The following CCNY variants were observed in gnomAD, a reference collection of about 807,000 sequenced individuals.
CCNY encodes the protein cyclin-Y.
In CCNY, 19 loss-of-function variants were observed where a neutral mutation model predicts 42.8. The observed-to-expected ratio is 0.44, with a 90% CI of 0.31 to 0.65. The LOEUF is 0.65. CCNY is among the 30% of genes least tolerant of loss of function. The probability of loss-of-function intolerance (pLI) is 0.07; values close to 1 mark genes in which losing one functional copy is unlikely to be tolerated. For synonymous variants in CCNY, 165 were observed against 162.7 expected (o/e 1.01, Z -0.11); for missense variants, 370 against 437.3 (o/e 0.85, Z 1.37).
chr10:35,531,892 T>C (rs1229442796), intron 7 of CCNY, among the ~76,000 whole-genome samples: 1 of 152,260 alleles, frequency 6.6e-6, no homozygotes, highest in East Asian at 1.9e-4. Context: ...CTAACAGGCA[T>C]CCCTTGCTGC....
At chr10:35,324,837 C>T (rs1835861093) in intron 3 of CCNY, among the ~76,000 whole-genome samples, 1 of 151,942 alleles carries the variant, frequency 6.6e-6, no homozygotes, top group Non-Finnish European at 1.5e-5. Flanking sequence ...ATAAATTAGC[C>T]TATATTTATC....
chr10:35,415,896 G>A (rs780736581), intron 1 of CCNY, among the ~76,000 whole-genome samples: 19 of 152,214 alleles, frequency 1.2e-4, no homozygotes, highest in Non-Finnish European at 2.5e-4. Context: ...TGCACAGATC[G>A]ACAGAGAGTT....
At chr10:35,353,614 G>A (rs1008031746) in intron 1 of CCNY, among the ~76,000 whole-genome samples, 1 of 152,146 alleles carries the variant, frequency 6.6e-6, no homozygotes, top group African/African-American at 2.4e-5. Context: ...CCCCAAAGCT[G>A]GTTCACAGCA....
At position 35,545,442 on chromosome 10, in the gene CCNY, G is replaced by A. The variant is rs112682173; in HGVS notation, c.580-7577G>A. Among the ~76,000 whole-genome samples the A allele has an allele frequency of 3.4e-3, 515 of 152,318 alleles. 4 individuals carry two copies. Among genetic ancestry groups the A allele is most frequent in the African/African-American group, 0.012 (482 of 41,564 alleles). ...GTTCTGCTCCAGGCCTCTCTCTGAC[G>A]TATTACAATGTGTGGGTGCCCAGCC... On this transcript the variant is annotated intron_variant, in intron 7 of 9. Coordinates refer to ENST00000374704, the MANE Select transcript of CCNY (RefSeq NM_145012.6).
intron 7 of CCNY, among the ~76,000 whole-genome samples, chr10:35,545,675 A>T (rs553920994): frequency 1.3e-5 from 2 of 152,304 alleles, no homozygotes; most frequent in East Asian, 3.9e-4. Context: ...GAGGGGACAC[A>T]CTGTAACCCA....
chr10:35,383,955 T>A (rs1302398648), intron 1 of CCNY, among the ~76,000 whole-genome samples: 7 of 145,514 alleles, frequency 4.8e-5, no homozygotes, highest in Non-Finnish European at 9.0e-5. Flanking sequence ...AGAGTAAGAA[T>A]ATATATATAT....
chr10:35,291,470 C>T (rs1456782975), intron 3 of CCNY, among the ~76,000 whole-genome samples: 1 of 151,272 alleles, frequency 6.6e-6, no homozygotes, highest in African/African-American at 2.4e-5. Context: ...GTTGTTTGTG[C>T]TGTGTCCACA....
chr10:35,476,476 G>A (rs1367083634), intron 1 of CCNY, among the ~76,000 whole-genome samples: 1 of 152,166 alleles, frequency 6.6e-6, no homozygotes, highest in Non-Finnish European at 1.5e-5. Flanking sequence ...TCAGGATTAA[G>A]AATCTCACTC....
chr10:35,572,109 C>G lies in CCNY; in HGVS notation c.*2939C>G, dbSNP rs1841698061. 1 of 152,110 alleles carries G rather than the reference C, an allele frequency of 6.6e-6. No homozygotes were observed. Among genetic ancestry groups the G allele is most frequent in the Non-Finnish European group, 1.5e-5 (1 of 68,056 alleles). 9.4% of individuals were successfully genotyped at this position (152,110 alleles called of 1,614,324 possible). On this transcript the variant is annotated 3_prime_UTR_variant, in exon 10 of 10. Coordinates refer to ENST00000374704, the MANE Select transcript of CCNY (RefSeq NM_145012.6). ...AGGTGTGGGCACCTGTACCTGCCTC[C>G]TCTTCTGGGCTGGCTTTCCTGTCTG...
At position 35,388,525 on chromosome 10, in the gene CCNY, C is replaced by T. The variant is rs116505615; in HGVS notation, c.154+51318C>T. ...CCACTCAACATTTGCATTTTTGCAC[C>T]CAGCTTTAGGTTTAATGAGCTTCCT... is the stretch of plus-strand genomic sequence containing the variant. On this transcript the variant is annotated intron_variant, in intron 1 of 9. Coordinates refer to ENST00000374704, the MANE Select transcript of CCNY (RefSeq NM_145012.6). Among the ~76,000 whole-genome samples the T allele has an allele frequency of 2.2e-3, 334 of 152,232 alleles. 1 individual carries two copies. Among genetic ancestry groups the T allele is most frequent in the African/African-American group, 7.7e-3 (318 of 41,534 alleles).
intron 8 of CCNY, among the ~76,000 whole-genome samples, chr10:35,557,132 G>C (rs1841377353): frequency 6.6e-6 from 1 of 152,064 alleles, no homozygotes; most frequent in Non-Finnish European, 1.5e-5. Context: ...CCAAGTTTTA[G>C]TTGTTGTAAA....
At chr10:35,508,056 T>C (rs184741102) in intron 3 of CCNY, among the ~76,000 whole-genome samples, 1 of 152,346 alleles carries the variant, frequency 6.6e-6, no homozygotes, top group East Asian at 1.9e-4. Context: ...GCAGGTACTT[T>C]AAAACCATGT....
At chr10:35,498,913 G>T (rs1840055125) in intron 2 of CCNY, among the ~76,000 whole-genome samples, 1 of 152,228 alleles carries the variant, frequency 6.6e-6, no homozygotes, top group Non-Finnish European at 1.5e-5. Context: ...CATAGAAGCA[G>T]TGAATGCCTG....
At chr10:35,565,976 C>T in intron 8 of CCNY, 47 bp from the exon 9 acceptor site, 1 of 1,571,720 alleles carries the variant, frequency 6.4e-7, no homozygotes, top group Non-Finnish European at 8.6e-7. Context: ...GGCCACGTGG[C>T]CTGGTGTGGC....
intron 1 of CCNY, among the ~76,000 whole-genome samples, chr10:35,366,820 T>C (rs1836818241): frequency 6.6e-6 from 1 of 152,264 alleles, no homozygotes; most frequent in Non-Finnish European, 1.5e-5. Flanking sequence ...CTAGTGTGAC[T>C]GAAGAACTGA....
At chr10:35,417,900 C>CT (rs1372418832) in intron 1 of CCNY, among the ~76,000 whole-genome samples, 1 of 152,164 alleles carries the variant, frequency 6.6e-6, no homozygotes, top group Non-Finnish European at 1.5e-5. Context: ...AATCTGTTCT[C>CT]TTTTTTTCAT....
intron 3 of CCNY, among the ~76,000 whole-genome samples, chr10:35,330,613 T>A (rs1835931252): frequency 6.6e-6 from 1 of 152,194 alleles, no homozygotes; most frequent in South Asian, 2.1e-4. Flanking sequence ...CACAGTTTAT[T>A]TCTCTCATGT....
At chr10:35,404,674 A>G (rs1251017369) in intron 1 of CCNY, among the ~76,000 whole-genome samples, 1 of 152,126 alleles carries the variant, frequency 6.6e-6, no homozygotes, top group Non-Finnish European at 1.5e-5. Flanking sequence ...AGGCTATCTA[A>G]AGGTGAAAGT....
chr10:35,418,910 T>C, intron 1 of CCNY, among the ~76,000 whole-genome samples: 1 of 152,146 alleles, frequency 6.6e-6, no homozygotes, highest in East Asian at 1.9e-4. Flanking sequence ...AACCTCCGCC[T>C]CCTGGGTTCA....
Sources: allele counts gnomAD v4.1 joint callset (sites outside exome capture counted in the v4.1 genomes callset), GRCh38; gene constraint gnomAD v4.1.1; transcripts MANE v1.5; gene names NCBI Gene and HGNC (gene_info 2026-07-23, HGNC 2026-07-21).